The following TRIM44 variants were observed in gnomAD, a reference collection of about 807,000 sequenced individuals.
The protein encoded by TRIM44 is tripartite motif-containing protein 44.
Under a neutral mutation model 37.4 loss-of-function variants are expected in TRIM44, and 13 were observed. The observed-to-expected ratio is 0.35, with a 90% confidence interval of 0.23 to 0.55. TRIM44 has a LOEUF of 0.55. Among genes scored for constraint, TRIM44 ranks in the 20% least tolerant of loss-of-function variants. The probability of loss-of-function intolerance (pLI) is 0.89; values close to 1 mark genes in which losing one functional copy is unlikely to be tolerated. For synonymous variants in TRIM44, 175 were observed against 157.2 expected (o/e 1.11, Z -0.85); for missense variants, 426 against 437.2 (o/e 0.97, Z 0.23).
chr11:35,766,809 G>A (rs139356952), intron 4 of TRIM44, among the ~76,000 whole-genome samples: 1 of 152,290 alleles, frequency 6.6e-6, no homozygotes, highest in African/African-American at 2.4e-5. Flanking sequence ...AGGTTGACTT[G>A]TGCCTCACCA....
chr11:35,699,749 G>C (rs967859356), intron 2 of TRIM44, among the ~76,000 whole-genome samples: 5 of 151,716 alleles, frequency 3.3e-5, no homozygotes, highest in Non-Finnish European at 7.4e-5. Context: ...GGCAACTTCA[G>C]CAAAGTCTCA....
At position 35,801,095 on chromosome 11, in the gene TRIM44, G is replaced by A. The variant is rs146752360; in HGVS notation, c.1008-5263G>A. Among the ~76,000 whole-genome samples the A allele has an allele frequency of 1.2e-3, 186 of 152,272 alleles. 5 individuals are homozygous for A. Among genetic ancestry groups the A allele is most frequent in the African/African-American group, 4.4e-3 (183 of 41,558 alleles). On this transcript the variant is annotated intron_variant, in intron 4 of 4. Transcript: ENST00000299413. The stretch of plus-strand genomic sequence containing the variant: ...ACAGAGGGGACAAAGAAGGCAACTC[G>A]CTCTGTCTAGTAAAGAAAGGTCCCT...
rs1480630497 is a variant in TRIM44 at position 35,816,643 on chromosome 11, A to G, written c.*10258A>G. On this transcript the variant is annotated 3_prime_UTR_variant, in exon 5 of 5. Coordinates refer to ENST00000299413, the MANE Select transcript of TRIM44 (RefSeq NM_017583.6). ...CTAGTGTTGCATCTTCACAAAAAAG[A>G]GCAATGTGCCGTCTTCTGTCTTTGG... The G allele has an allele frequency of 6.6e-6, 1 of 152,198 alleles. No homozygotes were observed. The highest frequency in any genetic ancestry group is 1.5e-5 in the Non-Finnish European group (1 of 68,046). 9.4% of individuals were successfully genotyped at this position (152,198 alleles called of 1,614,324 possible). A position where few individuals can be genotyped will look rare whatever the true frequency, so the allele number is the denominator to read the frequency against.
At chr11:35,772,752 AT>A (rs1197571496) in intron 4 of TRIM44, among the ~76,000 whole-genome samples, 1 of 152,128 alleles carries the variant, frequency 6.6e-6, no homozygotes, top group Non-Finnish European at 1.5e-5. Context: ...ATTGCTTTTG[AT>A]TTTACAGGCT....
chr11:35,685,701 T>G (rs916740497), intron 2 of TRIM44, among the ~76,000 whole-genome samples: 1 of 152,128 alleles, frequency 6.6e-6, no homozygotes, highest in Non-Finnish European at 1.5e-5. Flanking sequence ...TCTCGCTCTG[T>G]TGCCCAGGCT....
At chr11:35,715,717 G>A (rs1174957254) in intron 2 of TRIM44, among the ~76,000 whole-genome samples, 1 of 152,134 alleles carries the variant, frequency 6.6e-6, no homozygotes, top group Admixed American at 6.5e-5. Context: ...ACAAAGAAAA[G>A]AGGTTTAATT....
chr11:35,752,752 T>C (rs1403122468), intron 4 of TRIM44, among the ~76,000 whole-genome samples: 1 of 152,216 alleles, frequency 6.6e-6, no homozygotes, highest in East Asian at 1.9e-4. Flanking sequence ...TTTGTGCTCA[T>C]GTTCCCCTCT....
At chr11:35,739,129 T>C (rs1357079627) in intron 4 of TRIM44, among the ~76,000 whole-genome samples, 2 of 152,198 alleles carry the variant, frequency 1.3e-5, no homozygotes, top group East Asian at 1.9e-4. Flanking sequence ...CTAAATTTCA[T>C]TGTGCAGTTA....
intron 4 of TRIM44, among the ~76,000 whole-genome samples, chr11:35,801,821 C>A (rs889462772): frequency 6.6e-6 from 1 of 152,162 alleles, no homozygotes; most frequent in African/African-American, 2.4e-5. Context: ...TCACACCATC[C>A]TCCTGGTCAG....
intron 1 of TRIM44, among the ~76,000 whole-genome samples, chr11:35,679,350 A>G (rs564894257): frequency 2.2e-4 from 34 of 152,294 alleles, no homozygotes; most frequent in African/African-American, 7.7e-4. Flanking sequence ...GCATGTTTCC[A>G]TTAGCATGAA....
chr11:35,694,617 A>T (rs945948657), intron 2 of TRIM44, among the ~76,000 whole-genome samples: 1 of 152,052 alleles, frequency 6.6e-6, no homozygotes, highest in African/African-American at 2.4e-5. Flanking sequence ...ATGATAGTAG[A>T]AGTCTTGATC....
At chr11:35,790,247 T>C (rs953241758) in intron 4 of TRIM44, among the ~76,000 whole-genome samples, 4 of 152,178 alleles carry the variant, frequency 2.6e-5, no homozygotes, top group Admixed American at 1.3e-4. Context: ...TTGTAATACA[T>C]ACTGATTTTT....
At chr11:35,694,228 C>T (rs144120934) in intron 2 of TRIM44, among the ~76,000 whole-genome samples, 22 of 152,266 alleles carry the variant, frequency 1.4e-4, no homozygotes, top group African/African-American at 4.6e-4. Context: ...GCTATAGAGC[C>T]GATTACGTGG....
At chr11:35,676,027 A>G (rs1030590942) in intron 1 of TRIM44, among the ~76,000 whole-genome samples, 1 of 152,158 alleles carries the variant, frequency 6.6e-6, no homozygotes, top group South Asian at 2.1e-4. Context: ...AGGACCAAAC[A>G]GTCTTTGACC....
At chr11:35,773,145 T>C (rs536478776) in intron 4 of TRIM44, among the ~76,000 whole-genome samples, 2 of 152,290 alleles carry the variant, frequency 1.3e-5, no homozygotes, top group South Asian at 4.2e-4. Flanking sequence ...ATGTAAGAAG[T>C]GCCATTGCCT....
At chr11:35,705,248 C>T (rs1266954392) in intron 2 of TRIM44, among the ~76,000 whole-genome samples, 1 of 151,688 alleles carries the variant, frequency 6.6e-6, no homozygotes, top group Non-Finnish European at 1.5e-5. Flanking sequence ...ACAGGAGCAC[C>T]CAGATTCATA....
At chr11:35,783,836 A>T (rs576340241) in intron 4 of TRIM44, among the ~76,000 whole-genome samples, 1 of 152,168 alleles carries the variant, frequency 6.6e-6, no homozygotes, top group Non-Finnish European at 1.5e-5. Context: ...GGCACAAATT[A>T]TAGTCAGATT....
intron 3 of TRIM44, 85 bp from the exon 4 acceptor site, chr11:35,735,341 G>C: frequency 7.3e-7 from 1 of 1,369,286 alleles, no homozygotes; most frequent in Non-Finnish European, 1.0e-6. Context: ...ATTCAGGTTG[G>C]GAGAGGGGAG....
In TRIM44 at chr11:35,759,531, C is replaced by T. The variant is rs533918468; in HGVS notation, c.1007+24086C>T. ...AGTCATTCTCTGTCCAGCTTTGTTC[C>T]GTTGCTGGTAAGTAGCTGCATTCCT... On this transcript the variant is annotated intron_variant, in intron 4 of 4. Transcript: ENST00000299413. Among the ~76,000 whole-genome samples the T allele has an allele frequency of 3.9e-5, 6 of 152,270 alleles. No homozygotes were observed. The East Asian group carries it at 7.7e-4, about 20-fold the overall frequency.
Sources: allele counts gnomAD v4.1 joint callset (sites outside exome capture counted in the v4.1 genomes callset), GRCh38; gene constraint gnomAD v4.1.1; transcripts MANE v1.5; gene names NCBI Gene and HGNC (gene_info 2026-07-23, HGNC 2026-07-21).